The following ZRANB3 variants were observed in gnomAD, a reference collection of about 807,000 sequenced individuals.
The protein encoded by ZRANB3 is zinc finger RANBP2-type containing 3, also known as DNA annealing helicase and endonuclease ZRANB3.
In ZRANB3, 125 loss-of-function variants were observed where a neutral mutation model predicts 133.8. That is an observed-to-expected ratio of 0.93 (90% confidence interval 0.81 to 1.08). The LOEUF (loss-of-function observed/expected upper bound fraction) is 1.08. ZRANB3 is among the 50% of genes least tolerant of loss of function. ZRANB3 has a pLI of 0.00. For synonymous variants in ZRANB3, 387 were observed against 432.7 expected (o/e 0.89, Z 1.31); for missense variants, 1,229 against 1,275.5 (o/e 0.96, Z 0.56).
chr2:135,409,144 A>G (rs1427329740), intron 2 of ZRANB3, among the ~76,000 whole-genome samples: 1 of 152,104 alleles, frequency 6.6e-6, no homozygotes, highest in Non-Finnish European at 1.5e-5. Flanking sequence ...CAGACACATC[A>G]TATGGCAAAT....
intron 8 of ZRANB3, among the ~76,000 whole-genome samples, chr2:135,310,987 G>T (rs1374726489): frequency 1.3e-5 from 2 of 150,674 alleles, no homozygotes; most frequent in African/African-American, 4.9e-5. Flanking sequence ...GAAAAAAATT[G>T]ATATACTAGA....
chr2:135,343,141 G>A (rs1056262764), intron 6 of ZRANB3, among the ~76,000 whole-genome samples: 6 of 141,302 alleles, frequency 4.2e-5, no homozygotes, highest in African/African-American at 8.6e-5. Context: ...AGCCGTGACT[G>A]TGCCACTGCA....
intron 16 of ZRANB3, 109 bp from the exon 17 acceptor site, chr2:135,217,716 A>G: frequency 6.7e-6 from 9 of 1,348,450 alleles, no homozygotes; most frequent in Non-Finnish European, 5.9e-6. Context: ...ATGTCCCCCA[A>G]ATAGGCTTTT....
intron 2 of ZRANB3, among the ~76,000 whole-genome samples, chr2:135,503,798 A>T (rs982346148): frequency 2.2e-4 from 34 of 152,218 alleles, no homozygotes; most frequent in African/African-American, 8.2e-4. Context: ...CATCCCTTAA[A>T]AAAACACAAC....
intron 2 of ZRANB3, among the ~76,000 whole-genome samples, chr2:135,492,392 T>C (rs2104807651): frequency 6.6e-6 from 1 of 152,304 alleles, no homozygotes; most frequent in East Asian, 1.9e-4. Context: ...GTTGTTGGGA[T>C]ACTAATTACA....
intron 10 of ZRANB3, chr2:135,271,332 A>G (rs1407731448): frequency 2.1e-6 from 1 of 471,612 alleles, no homozygotes; most frequent in East Asian, 6.9e-5. Flanking sequence ...ACAAAACAGA[A>G]GCACTCCATA....
chr2:135,359,994 A>G (rs1395385330), intron 3 of ZRANB3, among the ~76,000 whole-genome samples: 1 of 152,242 alleles, frequency 6.6e-6, no homozygotes, highest in Admixed American at 6.5e-5. Context: ...ATAAAAGTAT[A>G]TTGGCATAAT....
At chr2:135,264,489 A>G (rs1168425974) in intron 12 of ZRANB3, among the ~76,000 whole-genome samples, 8 of 150,304 alleles carry the variant, frequency 5.3e-5, no homozygotes, top group African/African-American at 2.0e-4. Context: ...AAAAAAAAAG[A>G]AAAGAAAAGA....
At position 135,494,057 on chromosome 2, in the gene ZRANB3, C is replaced by A. The variant is rs180903020; in HGVS notation, c.161+10272G>T. 2.7e-5 allele frequency among the ~76,000 whole-genome samples: 4 copies of A among 150,248 alleles called. No individual in the cohort carries two copies. In the Admixed American group the frequency reaches 2.7e-4, roughly 10 times the overall value. ...TACAGTAAGAAATTCATGAGTCCAT[C>A]TGAAGGATGGATGGATGGGAAGATG... On this transcript the variant is annotated intron_variant, in intron 2 of 20. Transcript: ENST00000264159.
At chr2:135,378,450 C>T (rs959319658) in intron 3 of ZRANB3, among the ~76,000 whole-genome samples, 6 of 151,834 alleles carry the variant, frequency 4.0e-5, no homozygotes, top group African/African-American at 1.5e-4. Context: ...CGAGATCACG[C>T]CATTGCATTC....
chr2:135,244,376 C>T (rs1042379761), intron 12 of ZRANB3, among the ~76,000 whole-genome samples: 4 of 152,080 alleles, frequency 2.6e-5, no homozygotes, highest in Non-Finnish European at 5.9e-5. Context: ...GAGGCCAAGG[C>T]GGGCAGATCA....
At chr2:135,334,635 T>C (rs1200799800) in intron 6 of ZRANB3, among the ~76,000 whole-genome samples, 1 of 151,962 alleles carries the variant, frequency 6.6e-6, no homozygotes, top group Admixed American at 6.6e-5. Context: ...GTAGCTCACG[T>C]CTATAATCCC....
At chr2:135,200,483 G>C in intron 20 of ZRANB3, 43 bp from the exon 21 acceptor site, 1 of 1,471,210 alleles carries the variant, frequency 6.8e-7, no homozygotes, top group Non-Finnish European at 9.3e-7. Flanking sequence ...TAGGAAAAAA[G>C]CACCGGCTAC....
intron 18 of ZRANB3, among the ~76,000 whole-genome samples, chr2:135,208,485 T>C (rs1442529865): frequency 6.6e-6 from 1 of 152,270 alleles, no homozygotes; most frequent in East Asian, 1.9e-4. Flanking sequence ...AAAGTCCTAC[T>C]TGGGAAGTAA....
At chr2:135,267,994 T>C (rs1680326561) in intron 11 of ZRANB3, among the ~76,000 whole-genome samples, 2 of 152,218 alleles carry the variant, frequency 1.3e-5, no homozygotes, top group African/African-American at 4.8e-5. Context: ...GTCAGCAACT[T>C]GGAAGAGGGC....
chr2:135,505,165 T>C (rs2104823479), intron 1 of ZRANB3, among the ~76,000 whole-genome samples: 1 of 152,324 alleles, frequency 6.6e-6, no homozygotes, highest in South Asian at 2.1e-4. Flanking sequence ...TGTAAATTCT[T>C]ATAACTCTGG....
chr2:135,512,068 T>TC, intron 1 of ZRANB3: 1 of 469,388 alleles, frequency 2.1e-6, no homozygotes, highest in African/African-American at 1.9e-5. Flanking sequence ...TGCAACTGTG[T>TC]CCGCACCAGC....
At chr2:135,223,180 G>A (rs1694621009) in intron 15 of ZRANB3, among the ~76,000 whole-genome samples, 2 of 151,814 alleles carry the variant, frequency 1.3e-5, no homozygotes, top group Admixed American at 6.6e-5. Flanking sequence ...GAACCCAGGA[G>A]GCAGAGGTTG....
At chr2:135,506,331 A>G (rs1245042518) in intron 1 of ZRANB3, among the ~76,000 whole-genome samples, 4 of 152,190 alleles carry the variant, frequency 2.6e-5, no homozygotes, top group South Asian at 2.1e-4. Flanking sequence ...AGGAATTTGC[A>G]GTGAGCTGAG....
Sources: allele counts gnomAD v4.1 joint callset (sites outside exome capture counted in the v4.1 genomes callset), GRCh38; gene constraint gnomAD v4.1.1; transcripts MANE v1.5; gene names NCBI Gene and HGNC (gene_info 2026-07-23, HGNC 2026-07-21).